NUBP1: variants seen among roughly 807,000 people sequenced by gnomAD.
NUBP1 encodes the protein cytosolic Fe-S cluster assembly factor NUBP1.
Under a neutral mutation model 41.8 loss-of-function variants are expected in NUBP1, and 46 were observed. That is an observed-to-expected ratio of 1.10 (90% CI 0.87 to 1.41). NUBP1 has a LOEUF of 1.41. Among genes scored for constraint, NUBP1 ranks in the 40% most tolerant of loss-of-function variants. The probability of loss-of-function intolerance (pLI) is 0.00; values close to 1 mark genes in which losing one functional copy is unlikely to be tolerated. For synonymous variants in NUBP1, 189 were observed against 154.6 expected (o/e 1.22, Z -1.65); for missense variants, 494 against 414.0 (o/e 1.19, Z -1.68).
At chr16:10,745,022 T>C (rs1899999612) in intron 2 of NUBP1, among the ~76,000 whole-genome samples, 2 of 151,232 alleles carry the variant, frequency 1.3e-5, no homozygotes, top group Non-Finnish European at 2.9e-5. Context: ...CCTCCCAAAG[T>C]GCTGGGATTA....
intron 7 of NUBP1, chr16:10,761,130 T>G (rs1269479417): frequency 4.8e-6 from 2 of 412,846 alleles, no homozygotes; most frequent in Admixed American, 8.1e-5. Flanking sequence ...ACTGCCCCCA[T>G]GATCCAATCA....
In NUBP1 at chr16:10,766,507, C is replaced by A. The variant is rs908055456; in HGVS notation, c.821-1442C>A. ...GGTGAAAGTCAGGGACAGAAAGTAG[C>A]CCCAGCATGACTATTCTGGGATCCC... On this transcript the variant is annotated intron_variant, in intron 9 of 10. Transcript: ENST00000283027. This position sits in a 1 kb window ranked among gnomAD's most constrained non-coding sequence, Gnocchi z 4.8. 6.6e-6 allele frequency among the ~76,000 whole-genome samples: 1 copy of A among 152,114 alleles called. No individual in the cohort carries two copies. The highest frequency in any genetic ancestry group is 2.4e-5 in the African/African-American group (1 of 41,418).
At position 10,767,239 on chromosome 16, in the gene NUBP1, T is replaced by C. The variant is rs1019968206; in HGVS notation, c.821-710T>C. On this transcript the variant is annotated intron_variant, in intron 9 of 10. Coordinates refer to ENST00000283027, the MANE Select transcript of NUBP1 (RefSeq NM_002484.4). The surrounding 1 kb of genome is among the most constrained non-coding windows in gnomAD (Gnocchi z 4.6). ...CAGACTGGAGGCGAGAACACCCCCATTGACCCCTAGCCCCTTGTGTCCTGT... is the reference window on the plus strand; with the variant it reads ...CAGACTGGAGGCGAGAACACCCCCACTGACCCCTAGCCCCTTGTGTCCTGT... 1 of 399,966 alleles carries C rather than the reference T, an allele frequency of 2.5e-6. No homozygotes were observed. The highest frequency in any genetic ancestry group is 2.1e-5 in the African/African-American group (1 of 48,770). 24.8% of individuals were successfully genotyped at this position (399,966 alleles called of 1,614,324 possible).
At position 10,767,064 on chromosome 16, in the gene NUBP1, G is replaced by A. The variant is rs1161662444; in HGVS notation, c.821-885G>A. The A allele has an allele frequency of 2.5e-6, 1 of 398,772 alleles. No individual in the cohort carries two copies. Among genetic ancestry groups the A allele is most frequent in the Non-Finnish European group, 4.4e-6 (1 of 226,176 alleles). 24.7% of individuals were successfully genotyped at this position (398,772 alleles called of 1,614,324 possible). Reference sequence around the variant, plus strand: ...TAGTGAAGTTGAGGAAATGATGAGTGCTAGGTAGGAACCCCTCCTGGGGTT... The same window carrying A: ...TAGTGAAGTTGAGGAAATGATGAGTACTAGGTAGGAACCCCTCCTGGGGTT... On this transcript the variant is annotated intron_variant, in intron 9 of 10. Coordinates refer to ENST00000283027, the MANE Select transcript of NUBP1 (RefSeq NM_002484.4). This position sits in a 1 kb window ranked among gnomAD's most constrained non-coding sequence, Gnocchi z 4.6.
In NUBP1 at chr16:10,757,157, C is replaced by T. The variant is rs902943801; in HGVS notation, c.451+377C>T. ...TCTACCAAAAACATAAAAAATTAGC[C>T]GAGCATGGTGGCACGTACCTGTAAT... On this transcript the variant is annotated intron_variant, in intron 6 of 10. Transcript: ENST00000283027. This position sits in a 1 kb window ranked among gnomAD's most constrained non-coding sequence, Gnocchi z 4.1. Among the ~76,000 whole-genome samples the T allele has an allele frequency of 6.6e-6, 1 of 151,902 alleles. No homozygotes were observed. The highest frequency in any genetic ancestry group is 1.5e-5 in the Non-Finnish European group (1 of 67,984).
chr16:10,762,922 C>T (rs1053051612), intron 9 of NUBP1, among the ~76,000 whole-genome samples: 7 of 149,450 alleles, frequency 4.7e-5, no homozygotes, highest in Admixed American at 3.3e-4. Flanking sequence ...CTGTGGGAAA[C>T]GACTGTCAGT....
At chr16:10,761,527 G>C in intron 8 of NUBP1, 53 bp downstream of exon 8, 2 of 1,432,610 alleles carry the variant, frequency 1.4e-6, no homozygotes, top group Admixed American at 3.5e-5. Context: ...CATGGATGAG[G>C]AAACGATCGG....
In NUBP1 at chr16:10,768,438, C is replaced by G. The variant is rs2031225013; in HGVS notation, c.904+406C>G. 1 of 160,970 alleles carries G rather than the reference C, an allele frequency of 6.2e-6. No homozygotes were observed. The highest frequency in any genetic ancestry group is 1.8e-4 in the South Asian group (1 of 5,704). 10.0% of individuals were successfully genotyped at this position (160,970 alleles called of 1,614,324 possible). ...CCTGGCTAACATGGAGAAACACTGT[C>G]TCTACTAAAAATATGAAAATTAGCC... On this transcript the variant is annotated intron_variant, in intron 10 of 10. Transcript: ENST00000283027. This position sits in a 1 kb window ranked among gnomAD's most constrained non-coding sequence, Gnocchi z 4.3.
intron 9 of NUBP1, among the ~76,000 whole-genome samples, chr16:10,762,358 C>T (rs991316379): frequency 1.3e-5 from 2 of 152,218 alleles, no homozygotes; most frequent in African/African-American, 4.8e-5. Flanking sequence ...CCAAAAAATG[C>T]TCTTCTTAAG....
At chr16:10,754,684 A>G (rs980107357) in intron 4 of NUBP1, among the ~76,000 whole-genome samples, 1 of 152,188 alleles carries the variant, frequency 6.6e-6, no homozygotes, top group Non-Finnish European at 1.5e-5. Context: ...AGGATGTGAG[A>G]CAGACTGTGG....
At chr16:10,745,954 G>A (rs776917801) in intron 2 of NUBP1, among the ~76,000 whole-genome samples, 1 of 152,324 alleles carries the variant, frequency 6.6e-6, no homozygotes, top group African/African-American at 2.4e-5. Flanking sequence ...GTTACAGTTG[G>A]CATGTCCTTG....
intron 4 of NUBP1, among the ~76,000 whole-genome samples, chr16:10,754,239 T>TTTTAG: frequency 6.6e-6 from 1 of 151,436 alleles, no homozygotes; most frequent in African/African-American, 2.4e-5. Context: ...TTTTATTTTA[T>TTTTAG]TTTATTTTAT....
In NUBP1 at chr16:10,757,477, T is replaced by C. The variant is rs191600962; in HGVS notation, c.452-396T>C. 2.9e-4 allele frequency among the ~76,000 whole-genome samples: 44 copies of C among 152,068 alleles called. No homozygotes were observed. The highest frequency in any genetic ancestry group is 6.2e-4 in the Non-Finnish European group (42 of 68,010). On this transcript the variant is annotated intron_variant, in intron 6 of 10. Transcript: ENST00000283027. The surrounding 1 kb of genome is among the most constrained non-coding windows in gnomAD (Gnocchi z 4.1). ...ATATTTTGAGCCAGATAAGTCTTTG[T>C]TGGGGGGAGGAGTAGACCGTGTTCT...
At chr16:10,755,635 CT>C in intron 4 of NUBP1, 85 bp from the exon 5 acceptor site, 1 of 1,366,544 alleles carries the variant, frequency 7.3e-7, no homozygotes, top group Admixed American at 1.7e-5. Context: ...AAACCATCGT[CT>C]TACTTTGTAC....
chr16:10,767,415 G>C lies in NUBP1; in HGVS notation c.821-534G>C. On this transcript the variant is annotated intron_variant, in intron 9 of 10. Transcript: ENST00000283027. The surrounding 1 kb of genome is among the most constrained non-coding windows in gnomAD (Gnocchi z 4.6). ...GATAAAATTATACACAGACAAAGCA[G>C]CAGGCAGAATGTGTGTGTCATGTGC... is the stretch of plus-strand genomic sequence containing the variant. 1 of 400,170 alleles carries C rather than the reference G, an allele frequency of 2.5e-6. No homozygotes were observed. Among genetic ancestry groups the C allele is most frequent in the Non-Finnish European group, 4.4e-6 (1 of 227,308 alleles). 24.8% of individuals were successfully genotyped at this position (400,170 alleles called of 1,614,324 possible). A position where few individuals can be genotyped will look rare whatever the true frequency, so the allele number is the denominator to read the frequency against.
At chr16:10,764,302 T>TCA (rs1473234366) in intron 9 of NUBP1, among the ~76,000 whole-genome samples, 1 of 152,170 alleles carries the variant, frequency 6.6e-6, no homozygotes, top group Non-Finnish European at 1.5e-5. Context: ...CTGGAGTATT[T>TCA]GTCTATTGGA....
rs1331296430 is a variant in NUBP1 at position 10,749,143 on chromosome 16, A to ACACACACACAC, written c.258+1868_258+1878dup. The stretch of plus-strand genomic sequence containing the variant: ...CAGACACATACACACACACACACAC[A>ACACACACACAC]CACACACACACACACACACACACAC... On this transcript the variant is annotated intron_variant, in intron 3 of 10. Coordinates refer to ENST00000283027, the MANE Select transcript of NUBP1 (RefSeq NM_002484.4). The surrounding 1 kb of genome is among the most constrained non-coding windows in gnomAD (Gnocchi z 4.1). Among the ~76,000 whole-genome samples, 18 of 148,106 alleles carry ACACACACACAC rather than the reference A, an allele frequency of 1.2e-4. No homozygotes were observed. The highest frequency in any genetic ancestry group is 4.4e-4 in the African/African-American group (18 of 40,616).
intron 8 of NUBP1, 71 bp from the exon 9 acceptor site, chr16:10,761,686 T>C: frequency 7.9e-7 from 1 of 1,262,370 alleles, no homozygotes; most frequent in Non-Finnish European, 1.1e-6. Context: ...TTTAAGTTTC[T>C]TTAAAATGTG....
chr16:10,764,789 GTA>G, intron 9 of NUBP1, among the ~76,000 whole-genome samples: 1 of 107,150 alleles, frequency 9.3e-6, no homozygotes, highest in South Asian at 3.0e-4. Context: ...GTCTGCTGGA[GTA>G]TGTCAGTCTG....
Sources: gnomAD v4.1 joint callset for allele counts (sites outside exome capture counted in the v4.1 genomes callset) on GRCh38, gnomAD v4.1.1 for gene constraint, Gnocchi (gnomAD v3.1) non-coding constraint, MANE v1.5 for transcripts, NCBI Gene and HGNC (gene_info 2026-07-23, HGNC 2026-07-21) for gene names.